The following KDM4C variants were observed in gnomAD, a reference collection of about 807,000 sequenced individuals.
The protein encoded by KDM4C is lysine demethylase 4C.
In KDM4C, 81 loss-of-function variants were observed where a neutral mutation model predicts 129.3. The observed-to-expected ratio is 0.63, with a 90% CI of 0.52 to 0.75. KDM4C has a LOEUF of 0.75. KDM4C is among the 30% of genes least tolerant of loss of function. The pLI, the probability that KDM4C is intolerant of heterozygous loss-of-function variation, is 0.00. For synonymous variants in KDM4C, 573 were observed against 456.1 expected (o/e 1.26, Z -3.26); for missense variants, 1,457 against 1,304.0 (o/e 1.12, Z -1.81).
intron 8 of KDM4C, among the ~76,000 whole-genome samples, chr9:6,939,184 C>A (rs182717983): frequency 4.6e-5 from 7 of 151,884 alleles, no homozygotes; most frequent in Non-Finnish European, 1.0e-4. Context: ...TGCTCCCCAT[C>A]GCTGGCATTA....
intron 15 of KDM4C, among the ~76,000 whole-genome samples, chr9:7,018,483 C>G (rs993254813): frequency 6.8e-6 from 1 of 147,680 alleles, no homozygotes; most frequent in African/African-American, 2.4e-5. Context: ...TATATAGGTC[C>G]TATTCCTAGT....
intron 15 of KDM4C, among the ~76,000 whole-genome samples, chr9:7,044,890 G>C (rs1288981935): frequency 6.6e-6 from 1 of 151,976 alleles, no homozygotes; most frequent in Non-Finnish European, 1.5e-5. Flanking sequence ...GGGTCAGCTA[G>C]AGGTGCAGGA....
At chr9:7,130,279 A>G (rs989053494) in intron 19 of KDM4C, among the ~76,000 whole-genome samples, 1 of 152,256 alleles carries the variant, frequency 6.6e-6, no homozygotes, top group Non-Finnish European at 1.5e-5. Flanking sequence ...GTCTTTAGCC[A>G]TGATAGGAAT....
intron 10 of KDM4C, among the ~76,000 whole-genome samples, chr9:6,986,004 T>A (rs1337350246): frequency 6.6e-6 from 1 of 152,236 alleles, no homozygotes; most frequent in Non-Finnish European, 1.5e-5. Flanking sequence ...CATCATGCTT[T>A]CTCTTACACT....
chr9:7,132,510 G>A (rs1234796459), intron 19 of KDM4C, among the ~76,000 whole-genome samples: 2 of 152,192 alleles, frequency 1.3e-5, no homozygotes, highest in Non-Finnish European at 2.9e-5. Context: ...CCTGCAAAAT[G>A]TGTGTATCAG....
chr9:6,908,415 C>G (rs528610113), intron 8 of KDM4C, among the ~76,000 whole-genome samples: 2 of 152,246 alleles, frequency 1.3e-5, no homozygotes, highest in East Asian at 3.9e-4. Context: ...ATTGGGAGGG[C>G]CTTACAAGCT....
At chr9:6,962,360 C>T (rs1830179889) in intron 8 of KDM4C, among the ~76,000 whole-genome samples, 1 of 152,168 alleles carries the variant, frequency 6.6e-6, no homozygotes, top group African/African-American at 2.4e-5. Context: ...TTCTAGTGTT[C>T]AGAAACGCAA....
intron 18 of KDM4C, among the ~76,000 whole-genome samples, chr9:7,105,189 A>G (rs1166674690): frequency 2.0e-5 from 3 of 152,238 alleles, no homozygotes; most frequent in Non-Finnish European, 4.4e-5. Context: ...TGCCCTTAAC[A>G]GTGTGCAGTC....
chr9:6,755,756 A>G (rs1429917765), upstream of KDM4C, among the ~76,000 whole-genome samples: 1 of 152,172 alleles, frequency 6.6e-6, no homozygotes, highest in Non-Finnish European at 1.5e-5. Flanking sequence ...TTTTCACGAT[A>G]ATTCATAATA....
At position 7,116,086 on chromosome 9, in the gene KDM4C, T is replaced by C. The variant is rs76333458; in HGVS notation, c.2611-11980T>C. Among the ~76,000 whole-genome samples, 698 of 152,312 alleles carry C rather than the reference T, an allele frequency of 4.6e-3. 4 individuals are homozygous for C. The highest frequency in any genetic ancestry group is 0.016 in the African/African-American group (664 of 41,568). The stretch of plus-strand genomic sequence containing the variant: ...TCTTCTGAAATGATGTTCTGAAATA[T>C]CATTTTGGCTCTCTTAGCCATTCCT... On this transcript the variant is annotated intron_variant, in intron 18 of 21. Coordinates refer to ENST00000381309, the MANE Select transcript of KDM4C (RefSeq NM_015061.6).
intron 19 of KDM4C, among the ~76,000 whole-genome samples, chr9:7,161,440 C>T (rs1256852595): frequency 6.6e-6 from 1 of 152,178 alleles, no homozygotes; most frequent in Non-Finnish European, 1.5e-5. Context: ...CAGACGGGAG[C>T]TGTTCCTATT....
At chr9:7,158,992 T>A (rs1274537164) in intron 19 of KDM4C, among the ~76,000 whole-genome samples, 1 of 152,216 alleles carries the variant, frequency 6.6e-6, no homozygotes, top group East Asian at 1.9e-4. Context: ...CTTTGTAGTC[T>A]CTAAGGACTT....
intron 17 of KDM4C, among the ~76,000 whole-genome samples, chr9:7,074,197 T>C (rs1284465430): frequency 6.6e-6 from 1 of 152,048 alleles, no homozygotes; most frequent in Non-Finnish European, 1.5e-5. Flanking sequence ...GGAGTTTCGC[T>C]CTGTCACCCA....
chr9:6,767,078 GT>G (rs892845018), intron 1 of KDM4C, among the ~76,000 whole-genome samples: 1 of 151,144 alleles, frequency 6.6e-6, no homozygotes, highest in East Asian at 1.9e-4. Context: ...GAACTGAAGT[GT>G]TTTTTTTGCA....
At chr9:6,983,042 C>T (rs896687202) in intron 9 of KDM4C, among the ~76,000 whole-genome samples, 2 of 152,168 alleles carry the variant, frequency 1.3e-5, no homozygotes, top group Admixed American at 1.3e-4. Context: ...TTCACATATA[C>T]TACACTGTTT....
At chr9:7,143,487 C>T (rs1587850134) in intron 19 of KDM4C, among the ~76,000 whole-genome samples, 1 of 152,172 alleles carries the variant, frequency 6.6e-6, no homozygotes, top group East Asian at 1.9e-4. Context: ...TGATTCTGAA[C>T]CGGGCATTCC....
At chr9:6,780,857 C>T (rs945539578) in intron 1 of KDM4C, among the ~76,000 whole-genome samples, 1 of 149,368 alleles carries the variant, frequency 6.7e-6, no homozygotes, top group East Asian at 2.0e-4. Flanking sequence ...AGAATGCAGT[C>T]TCTTGAAGGT....
chr9:7,147,657 C>T (rs1165183431), intron 19 of KDM4C, among the ~76,000 whole-genome samples: 1 of 152,156 alleles, frequency 6.6e-6, no homozygotes, highest in East Asian at 1.9e-4. Flanking sequence ...CAGGAGGACA[C>T]AGTGAGCCCT....
chr9:6,803,045 G>C (rs955900347), intron 2 of KDM4C, among the ~76,000 whole-genome samples: 14 of 152,150 alleles, frequency 9.2e-5, no homozygotes, highest in African/African-American at 3.1e-4. Flanking sequence ...TAAAACTAAA[G>C]CCCAGCAATG....
Sources: gnomAD v4.1 joint callset for allele counts (sites outside exome capture counted in the v4.1 genomes callset) on GRCh38, gnomAD v4.1.1 for gene constraint, MANE v1.5 for transcripts, NCBI Gene and HGNC (gene_info 2026-07-23, HGNC 2026-07-21) for gene names.